TGFBR3: variants seen among roughly 807,000 people sequenced by gnomAD.
TGFBR3 encodes transforming growth factor beta receptor 3.
Under a neutral mutation model 87.9 loss-of-function variants are expected in TGFBR3, and 46 were observed. The ratio of observed to expected loss-of-function variants is 0.52; its 90% confidence interval spans 0.41 to 0.67. The LOEUF is 0.67. Among genes scored for constraint, TGFBR3 ranks in the 30% least tolerant of loss-of-function variants. The pLI, the probability that TGFBR3 is intolerant of heterozygous loss-of-function variation, is 0.00. For missense variants in TGFBR3, 866 were observed against 1,041.9 expected (o/e 0.83, Z 2.32); for synonymous variants, 381 against 391.6 (o/e 0.97, Z 0.32).
rs1045357889 is a variant in TGFBR3, at chr1:91,860,991, C to T, written c.61+480G>A. Among the ~76,000 whole-genome samples the T allele has an allele frequency of 3.8e-5, 5 of 132,536 alleles. No homozygotes were observed. In the East Asian group the frequency reaches 1.1e-3, roughly 29 times the overall value. The allele number at this position is 132,536 out of a possible 152,430, so 86.9% of individuals were successfully genotyped here. On this transcript the variant is annotated intron_variant, in intron 2 of 16. Transcript: ENST00000212355. The stretch of plus-strand genomic sequence containing the variant: ...TACATATTGAAATATGTGAAATAGG[C>T]AAAACTAAATACCTCCCAAGCAGCC...
chr1:91,828,742 G>A (rs532555839), intron 2 of TGFBR3, among the ~76,000 whole-genome samples: 84 of 152,264 alleles, frequency 5.5e-4, no homozygotes, highest in African/African-American at 1.8e-3. Flanking sequence ...GAGGAAGACC[G>A]AAATTCTTCC....
At chr1:91,695,469 C>G (rs1200092752) in intron 16 of TGFBR3, 2 of 584,966 alleles carry the variant, frequency 3.4e-6, no homozygotes, top group African/African-American at 3.7e-5. Flanking sequence ...GCAATTAGCA[C>G]AGTTTAAACC....
At chr1:91,793,805 C>CAAAAAA (rs57943201) in intron 3 of TGFBR3, among the ~76,000 whole-genome samples, 1 of 99,056 alleles carries the variant, frequency 1.0e-5, no homozygotes, top group Non-Finnish European at 2.1e-5. Context: ...GACTCTGTCT[C>CAAAAAA]AAAAAAAAAA....
intron 3 of TGFBR3, among the ~76,000 whole-genome samples, chr1:91,784,615 G>C (rs1446609279): frequency 6.6e-6 from 1 of 152,186 alleles, no homozygotes; most frequent in Non-Finnish European, 1.5e-5. Flanking sequence ...GCAAGGGTTT[G>C]GTGAAGAGCT....
intron 1 of TGFBR3, among the ~76,000 whole-genome samples, chr1:91,884,853 T>G (rs1393909167): frequency 6.6e-6 from 1 of 152,246 alleles, no homozygotes; most frequent in Non-Finnish European, 1.5e-5. Context: ...TTTTACTACC[T>G]GTGGAGACTT....
chr1:91,832,834 C>T (rs1159348075), intron 2 of TGFBR3, among the ~76,000 whole-genome samples: 1 of 151,742 alleles, frequency 6.6e-6, no homozygotes, highest in East Asian at 1.9e-4. Flanking sequence ...GAAACCCTGT[C>T]TCTATTAAAA....
intron 1 of TGFBR3, among the ~76,000 whole-genome samples, chr1:91,873,778 C>T (rs1678680131): frequency 6.6e-6 from 1 of 152,110 alleles, no homozygotes; most frequent in African/African-American, 2.4e-5. Context: ...GAAACTCCGT[C>T]TCTACCAAAA....
intron 2 of TGFBR3, among the ~76,000 whole-genome samples, chr1:91,819,641 G>T (rs866873324): frequency 6.6e-6 from 1 of 152,166 alleles, no homozygotes. Context: ...ATAGCAGGAC[G>T]TTGCTGTCAG....
chr1:91,717,063 T>G (rs1407144234), intron 10 of TGFBR3, among the ~76,000 whole-genome samples: 1 of 152,224 alleles, frequency 6.6e-6, no homozygotes, highest in African/African-American at 2.4e-5. Flanking sequence ...GACTTGCCTA[T>G]ACCGTGAGAA....
At chr1:91,829,379 C>CA (rs1458219445) in intron 2 of TGFBR3, among the ~76,000 whole-genome samples, 5 of 128,018 alleles carry the variant, frequency 3.9e-5, no homozygotes. Flanking sequence ...CGAAGGTCTT[C>CA]AAAAAAACAA....
Position 91,809,344 on chromosome 1 carries a change from T to C in TGFBR3, c.62-11873A>G, listed in dbSNP as rs529242173. ...GCACGGAGGAATAACATGCATTGCA[T>C]GTGGCATGCTCTGGGCCTGGTGAGC... On this transcript the variant is annotated intron_variant, in intron 2 of 16. Transcript: ENST00000212355. 7.9e-5 allele frequency among the ~76,000 whole-genome samples: 12 copies of C among 152,334 alleles called. No individual in the cohort carries two copies. In the East Asian group the frequency reaches 2.1e-3, roughly 27 times the overall value.
At chr1:91,876,099 G>A (rs1316284570) in intron 1 of TGFBR3, among the ~76,000 whole-genome samples, 1 of 151,968 alleles carries the variant, frequency 6.6e-6, no homozygotes, top group African/African-American at 2.4e-5. Context: ...CACCTCATGG[G>A]GGTGTGGTGG....
chr1:91,781,475 G>A (rs1003242480), intron 3 of TGFBR3, among the ~76,000 whole-genome samples: 8 of 152,180 alleles, frequency 5.3e-5, no homozygotes, highest in Admixed American at 2.6e-4. Context: ...AGAATGAAAT[G>A]TAAAATCCCT....
chr1:91,731,010 G>A (rs1672748628), intron 5 of TGFBR3, among the ~76,000 whole-genome samples: 1 of 152,216 alleles, frequency 6.6e-6, no homozygotes, highest in Admixed American at 6.5e-5. Context: ...TTCCATCCAC[G>A]GGCTTAAATA....
intron 16 of TGFBR3, among the ~76,000 whole-genome samples, chr1:91,684,246 A>C (rs962534523): frequency 6.6e-6 from 1 of 152,198 alleles, no homozygotes; most frequent in African/African-American, 2.4e-5. Flanking sequence ...TTCTCTCATA[A>C]AGACACTGTA....
At chr1:91,822,394 G>A (rs1321912999) in intron 2 of TGFBR3, among the ~76,000 whole-genome samples, 2 of 147,318 alleles carry the variant, frequency 1.4e-5, no homozygotes, top group Non-Finnish European at 1.5e-5. Flanking sequence ...TAGAACAGAA[G>A]ATCAAGTCAA....
At chr1:91,692,239 C>T (rs1671292122) in intron 16 of TGFBR3, among the ~76,000 whole-genome samples, 1 of 152,116 alleles carries the variant, frequency 6.6e-6, no homozygotes, top group Non-Finnish European at 1.5e-5. Context: ...AACAGGAGGT[C>T]TAGAGCAAAG....
chr1:91,866,865 A>G (rs1331785086), intron 1 of TGFBR3: 1 of 152,308 alleles, frequency 6.6e-6, no homozygotes, highest in African/African-American at 2.4e-5. Context: ...GAGAAGAGGA[A>G]TAAGTTCAAG....
At chr1:91,734,067 A>AGGGAGGGAGGGC in intron 5 of TGFBR3, among the ~76,000 whole-genome samples, 1 of 87,824 alleles carries the variant, frequency 1.1e-5, no homozygotes, top group East Asian at 3.6e-4. Context: ...GGAGGGAGGG[A>AGGGAGGGAGGGC]GGGAGGGAGG....
Sources: gnomAD v4.1 joint callset for allele counts (sites outside exome capture counted in the v4.1 genomes callset) on GRCh38, gnomAD v4.1.1 for gene constraint, MANE v1.5 for transcripts, NCBI Gene and HGNC (gene_info 2026-07-23, HGNC 2026-07-21) for gene names.